The following CADM1 variants were observed in gnomAD, a reference collection of about 807,000 sequenced individuals.
CADM1 encodes the protein TSLC-1.
Under a neutral mutation model 53.1 loss-of-function variants are expected in CADM1, and 15 were observed. That is an observed-to-expected ratio of 0.28 (90% confidence interval 0.19 to 0.44). CADM1 has a LOEUF of 0.44. CADM1 is among the 20% of genes least tolerant of loss of function. The pLI, the probability that CADM1 is intolerant of heterozygous loss-of-function variation, is 1.00. For missense variants in CADM1, 434 were observed against 611.3 expected, an observed-to-expected ratio of 0.71 and a Z score of 3.06; for synonymous variants, 281 against 243.0, an observed-to-expected ratio of 1.16 and a Z score of -1.45.
intron 1 of CADM1, among the ~76,000 whole-genome samples, chr11:115,282,985 G>C (rs1943628587): frequency 6.6e-6 from 1 of 152,100 alleles, no homozygotes; most frequent in Non-Finnish European, 1.5e-5. Context: ...TCCATCTTTA[G>C]CCTCTCTGTG....
chr11:115,296,728 C>CT (rs1426677240), intron 1 of CADM1, among the ~76,000 whole-genome samples: 1 of 152,194 alleles, frequency 6.6e-6, no homozygotes, highest in African/African-American at 2.4e-5. Flanking sequence ...TTTGGGTACT[C>CT]TGTTTTAGCA....
chr11:115,484,664 T>C (rs914389798), intron 1 of CADM1, among the ~76,000 whole-genome samples: 1 of 152,054 alleles, frequency 6.6e-6, no homozygotes, highest in Admixed American at 6.6e-5. Flanking sequence ...TATAAAAACC[T>C]GGGCCGGGCG....
chr11:115,217,623 A>C (rs1279412638), intron 6 of CADM1, among the ~76,000 whole-genome samples: 1 of 152,236 alleles, frequency 6.6e-6, no homozygotes, highest in African/African-American at 2.4e-5. Flanking sequence ...GTGTGAGAGA[A>C]AATAGTCCTG....
chr11:115,199,101 T>TAC (rs764092617), intron 8 of CADM1, among the ~76,000 whole-genome samples: 107 of 151,866 alleles, frequency 7.0e-4, no homozygotes, highest in Admixed American at 8.5e-4. Context: ...TTAGTTTCTA[T>TAC]ACACACACAC....
At chr11:115,179,968 G>A (rs1395371405) in intron 10 of CADM1, among the ~76,000 whole-genome samples, 1 of 152,144 alleles carries the variant, frequency 6.6e-6, no homozygotes, top group East Asian at 1.9e-4. Flanking sequence ...GACTGAGAGT[G>A]CAAATTCAAG....
chr11:115,295,538 AT>A (rs1235839485), intron 1 of CADM1, among the ~76,000 whole-genome samples: 4,831 of 74,482 alleles, frequency 0.065, 377 homozygotes, highest in East Asian at 0.33. Context: ...ATATATATAT[AT>A]ATATATATAT....
intron 1 of CADM1, among the ~76,000 whole-genome samples, chr11:115,315,225 C>T (rs945223487): frequency 3.9e-5 from 6 of 152,188 alleles, no homozygotes; most frequent in African/African-American, 1.4e-4. Flanking sequence ...AAACGTCTTC[C>T]CACTGAGGCA....
chr11:115,269,518 C>T (rs1253988107), intron 1 of CADM1, among the ~76,000 whole-genome samples: 1 of 152,078 alleles, frequency 6.6e-6, no homozygotes, highest in East Asian at 1.9e-4. Flanking sequence ...AGCTGTACTA[C>T]ACATTAAAAA....
intron 9 of CADM1, among the ~76,000 whole-genome samples, chr11:115,194,478 T>G (rs1481894269): frequency 6.6e-6 from 1 of 152,120 alleles, no homozygotes; most frequent in East Asian, 1.9e-4. Flanking sequence ...AAACTGAAAA[T>G]GAGAAATTAT....
Position 115,406,319 on chromosome 11 carries a change from T to C in CADM1, c.124+97952A>G, listed in dbSNP as rs186775921. Among the ~76,000 whole-genome samples the C allele has an allele frequency of 8.1e-4, 123 of 151,930 alleles. No individual in the cohort carries two copies. In the East Asian group the frequency reaches 0.022, roughly 27 times the overall value. On this transcript the variant is annotated intron_variant, in intron 1 of 11. Transcript: ENST00000331581. ...GGAGTATGCTAGACCCCAGAATATATAAAAGATGTTAAGATGTTTTAAAGA... is the reference window on the plus strand; with the variant it reads ...GGAGTATGCTAGACCCCAGAATATACAAAAGATGTTAAGATGTTTTAAAGA...
chr11:115,365,078 G>A (rs1946124305), intron 1 of CADM1, among the ~76,000 whole-genome samples: 1 of 152,162 alleles, frequency 6.6e-6, no homozygotes, highest in African/African-American at 2.4e-5. Flanking sequence ...ATTCTGCAGA[G>A]TCATCCTGGT....
At chr11:115,301,209 A>C (rs565552415) in intron 1 of CADM1, among the ~76,000 whole-genome samples, 17 of 152,226 alleles carry the variant, frequency 1.1e-4, no homozygotes, top group Non-Finnish European at 1.8e-4. Flanking sequence ...AAGAGCCCAC[A>C]GCTACTGAAA....
chr11:115,432,225 G>T (rs113901037), intron 1 of CADM1, among the ~76,000 whole-genome samples: 5 of 151,922 alleles, frequency 3.3e-5, no homozygotes, highest in Non-Finnish European at 7.4e-5. Flanking sequence ...GATTACAGGC[G>T]TGAGCCACCA....
chr11:115,488,555 C>CTCT (rs1949427257), intron 1 of CADM1, among the ~76,000 whole-genome samples: 1 of 152,142 alleles, frequency 6.6e-6, no homozygotes, highest in Non-Finnish European at 1.5e-5. Flanking sequence ...AGAGTGGTTC[C>CTCT]ACCTCTATAT....
chr11:115,230,517 G>A (rs1470706300), intron 4 of CADM1, among the ~76,000 whole-genome samples: 1 of 152,172 alleles, frequency 6.6e-6, no homozygotes, highest in Admixed American at 6.5e-5. Flanking sequence ...GAAAAGGAAG[G>A]AATCTCAATG....
At chr11:115,311,776 G>A (rs1944538565) in intron 1 of CADM1, among the ~76,000 whole-genome samples, 1 of 152,004 alleles carries the variant, frequency 6.6e-6, no homozygotes, top group African/African-American at 2.4e-5. Flanking sequence ...TATCATTTTA[G>A]ACCAATATAC....
At chr11:115,491,486 AC>A (rs1184099986) in intron 1 of CADM1, among the ~76,000 whole-genome samples, 1 of 151,932 alleles carries the variant, frequency 6.6e-6, no homozygotes, top group African/African-American at 2.4e-5. Context: ...AATGGCATGA[AC>A]CTGGCGGCGG....
intron 10 of CADM1, among the ~76,000 whole-genome samples, chr11:115,186,463 A>G (rs1006276789): frequency 6.6e-6 from 1 of 152,124 alleles, no homozygotes; most frequent in African/African-American, 2.4e-5. Context: ...GAAAAGGGTC[A>G]AGAGGATTAC....
chr11:115,295,523 TATA>T (rs1413418144), intron 1 of CADM1, among the ~76,000 whole-genome samples: 1 of 79,690 alleles, frequency 1.3e-5, no homozygotes, highest in African/African-American at 9.5e-5. Flanking sequence ...TATATATATA[TATA>T]TATATATATA....
Sources: allele counts gnomAD v4.1 joint callset (sites outside exome capture counted in the v4.1 genomes callset), GRCh38; gene constraint gnomAD v4.1.1; transcripts MANE v1.5; gene names NCBI Gene and HGNC (gene_info 2026-07-23, HGNC 2026-07-21).